MOB3B: variants seen among roughly 807,000 people sequenced by gnomAD.
MOB3B encodes the protein MOB kinase activator 3B.
A neutral mutation model predicts 18.7 loss-of-function variants in MOB3B; 7 were observed. The ratio of observed to expected loss-of-function variants is 0.37; its 90% confidence interval spans 0.21 to 0.70. The LOEUF is 0.70. Among genes scored for constraint, MOB3B ranks in the 30% least tolerant of loss-of-function variants. The probability of loss-of-function intolerance (pLI) is 0.52; values close to 1 mark genes in which losing one functional copy is unlikely to be tolerated. For missense variants in MOB3B, 253 were observed against 281.3 expected, an observed-to-expected ratio of 0.90 and a Z score of 0.72; for synonymous variants, 111 against 99.9, an observed-to-expected ratio of 1.11 and a Z score of -0.66.
intron 2 of MOB3B, among the ~76,000 whole-genome samples, chr9:27,363,569 A>C (rs1587156755): frequency 6.8e-6 from 1 of 146,466 alleles, no homozygotes; most frequent in Non-Finnish European, 1.5e-5. Flanking sequence ...CGCCCGGCTC[A>C]GTTTTTTTTT....
chr9:27,475,826 C>G lies in MOB3B; in HGVS notation c.-198-20078G>C, dbSNP rs138759670. On this transcript the variant is annotated intron_variant, in intron 1 of 3. Transcript: ENST00000262244. ...AAACTCCTCACACCCTCCACCACAA[C>G]TACTCTTGTCCACACCACCAGATTC... is the stretch of plus-strand genomic sequence containing the variant. Among the ~76,000 whole-genome samples the G allele has an allele frequency of 1.6e-3, 246 of 152,330 alleles. 2 individuals carry two copies. Among genetic ancestry groups the G allele is most frequent in the African/African-American group, 5.5e-3 (229 of 41,566 alleles).
chr9:27,426,021 A>T (rs1008304308), intron 2 of MOB3B, among the ~76,000 whole-genome samples: 4 of 152,216 alleles, frequency 2.6e-5, no homozygotes, highest in African/African-American at 9.6e-5. Context: ...ATGGAAAAGC[A>T]GGAGGAGTTG....
At chr9:27,507,047 T>C (rs1820072545) in intron 1 of MOB3B, among the ~76,000 whole-genome samples, 2 of 152,118 alleles carry the variant, frequency 1.3e-5, no homozygotes. Flanking sequence ...ACAAGCAAAA[T>C]TATTTACTGA....
chr9:27,484,090 A>G (rs755950833), intron 1 of MOB3B, among the ~76,000 whole-genome samples: 3 of 152,208 alleles, frequency 2.0e-5, no homozygotes, highest in Admixed American at 6.5e-5. Context: ...AGGGGCAGGG[A>G]TGCCCCAAGT....
chr9:27,366,886 G>A (rs1821349990), intron 2 of MOB3B, among the ~76,000 whole-genome samples: 1 of 152,196 alleles, frequency 6.6e-6, no homozygotes, highest in African/African-American at 2.4e-5. Flanking sequence ...GCTTGGCTCA[G>A]TGTCTCCCAT....
At chr9:27,343,478 T>TAAAAAAAAAAAAAAAAAAAAAAAAAAAA (rs779124158) in intron 3 of MOB3B, among the ~76,000 whole-genome samples, 1 of 84,314 alleles carries the variant, frequency 1.2e-5, no homozygotes, top group Admixed American at 1.3e-4. Context: ...CAATAAATAC[T>TAAAAAAAAAAAAAAAAAAAAAAAAAAAA]AAAAAAAAAA....
chr9:27,406,270 T>C (rs1821975842), intron 2 of MOB3B, among the ~76,000 whole-genome samples: 1 of 152,242 alleles, frequency 6.6e-6, no homozygotes, highest in Admixed American at 6.5e-5. Flanking sequence ...ATCATTTTTG[T>C]ATGCCAACAG....
intron 1 of MOB3B, among the ~76,000 whole-genome samples, chr9:27,460,797 A>G (rs1819275268): frequency 6.6e-6 from 1 of 152,260 alleles, no homozygotes; most frequent in Admixed American, 6.5e-5. Context: ...GTTTAGTGTC[A>G]TCTTCATTGC....
chr9:27,368,852 C>T (rs572978067), intron 2 of MOB3B, among the ~76,000 whole-genome samples: 4 of 152,316 alleles, frequency 2.6e-5, no homozygotes, highest in South Asian at 2.1e-4. Context: ...CGTGCCTGCT[C>T]GTCACACCTC....
At chr9:27,489,135 A>G (rs1369688976) in intron 1 of MOB3B, among the ~76,000 whole-genome samples, 7 of 152,196 alleles carry the variant, frequency 4.6e-5, no homozygotes, top group Non-Finnish European at 1.5e-5. Flanking sequence ...CTGGTGCTTC[A>G]TACTCACTTT....
At chr9:27,472,348 C>T (rs894082645) in intron 1 of MOB3B, among the ~76,000 whole-genome samples, 2 of 151,948 alleles carry the variant, frequency 1.3e-5, no homozygotes, top group Non-Finnish European at 2.9e-5. Flanking sequence ...AAGTGTACTC[C>T]TCAAGCAAAG....
intron 1 of MOB3B, among the ~76,000 whole-genome samples, chr9:27,495,123 G>A (rs1228370506): frequency 6.6e-6 from 1 of 151,946 alleles, no homozygotes; most frequent in Non-Finnish European, 1.5e-5. Flanking sequence ...GAGCCCAGGA[G>A]TTCAAGACCA....
At chr9:27,373,124 C>G (rs1324583590) in intron 2 of MOB3B, among the ~76,000 whole-genome samples, 5 of 152,182 alleles carry the variant, frequency 3.3e-5, no homozygotes, top group Non-Finnish European at 7.3e-5. Context: ...TCTGTCTTTA[C>G]TGTTATGCTC....
At chr9:27,361,802 G>A (rs1218049206) in intron 2 of MOB3B, among the ~76,000 whole-genome samples, 3 of 152,130 alleles carry the variant, frequency 2.0e-5, no homozygotes, top group South Asian at 2.1e-4. Flanking sequence ...CACTGCTCAC[G>A]GGCTCTGCAC....
intron 2 of MOB3B, among the ~76,000 whole-genome samples, chr9:27,418,129 A>G (rs1197804332): frequency 6.9e-6 from 1 of 145,214 alleles, no homozygotes; most frequent in East Asian, 2.0e-4. Flanking sequence ...CAACCCTCTT[A>G]GCTTAAATCA....
At chr9:27,331,934 T>C (rs558768868) in intron 3 of MOB3B, among the ~76,000 whole-genome samples, 2 of 152,364 alleles carry the variant, frequency 1.3e-5, no homozygotes, top group African/African-American at 2.4e-5. Context: ...AGGCAGAATC[T>C]AGGCACTTTT....
chr9:27,425,373 C>CAAAAAAA, intron 2 of MOB3B, among the ~76,000 whole-genome samples: 1 of 52,984 alleles, frequency 1.9e-5, no homozygotes, highest in African/African-American at 5.8e-5. Context: ...AAAACTGTCT[C>CAAAAAAA]AAAAAAAAAA....
At chr9:27,430,562 A>G (rs993696321) in intron 2 of MOB3B, among the ~76,000 whole-genome samples, 13 of 152,174 alleles carry the variant, frequency 8.5e-5, no homozygotes, top group African/African-American at 2.7e-4. Flanking sequence ...TTTGTTTGAA[A>G]AATATAAAAA....
intron 2 of MOB3B, among the ~76,000 whole-genome samples, chr9:27,442,199 G>T (rs1822605005): frequency 6.6e-6 from 1 of 152,248 alleles, no homozygotes; most frequent in African/African-American, 2.4e-5. Context: ...GCTGTTGCTA[G>T]ATATGACCCA....
Sources: gnomAD v4.1 joint callset for allele counts (sites outside exome capture counted in the v4.1 genomes callset) on GRCh38, gnomAD v4.1.1 for gene constraint, MANE v1.5 for transcripts, NCBI Gene and HGNC (gene_info 2026-07-23, HGNC 2026-07-21) for gene names.